FIGN: variants seen among roughly 807,000 people sequenced by gnomAD.
FIGN encodes fidgetin.
FIGN carries 11 observed loss-of-function variants against 51.3 expected under a neutral mutation model. That is an observed-to-expected ratio of 0.21 (90% CI 0.13 to 0.35). The LOEUF (loss-of-function observed/expected upper bound fraction) is 0.35. Ranked by LOEUF, FIGN falls within the 10% of genes least tolerant of loss-of-function variation. The pLI is 1.00. For missense variants in FIGN, 857 were observed against 943.6 expected (o/e 0.91, Z 1.20); for synonymous variants, 407 against 363.2 (o/e 1.12, Z -1.37).
chr2:163,655,876 A>C (rs964632325), intron 2 of FIGN, among the ~76,000 whole-genome samples: 2 of 152,020 alleles, frequency 1.3e-5, no homozygotes, highest in Admixed American at 6.6e-5. Context: ...CCATGCAGAA[A>C]AGACATTTCA....
At chr2:163,723,660 T>C (rs1022153820) in intron 2 of FIGN, among the ~76,000 whole-genome samples, 6 of 152,168 alleles carry the variant, frequency 3.9e-5, no homozygotes, top group African/African-American at 1.4e-4. Flanking sequence ...GAAAAAAGTA[T>C]TGCTTTCAGT....
In FIGN at chr2:163,610,346, C is replaced by T; in HGVS notation, c.1486G>A (p.Ala496Thr). The T allele has an allele frequency of 1.2e-6, 2 of 1,614,158 alleles. No individual in the cohort carries two copies. The highest frequency in any genetic ancestry group is 1.7e-6 in the Non-Finnish European group (2 of 1,180,032). The change falls in exon 3 of 3, where the codon GCT becomes ACT. Residue 496 changes from alanine (A) to threonine (T), a missense_variant. Around this residue, in one of 3 missense-constraint regions of FIGN, gnomAD observed 799 missense variants for 849.5 expected, o/e 0.94. Transcript: ENST00000333129. ...NDIAGLDLVK[A>T]VIKEEVLWPV... Reference sequence around the variant, plus strand: ...CATAAAACCTCCTCTTTAATGACAGCCTTCACCAGGTCGAGACCAGCAATG... The same window carrying T: ...CATAAAACCTCCTCTTTAATGACAGTCTTCACCAGGTCGAGACCAGCAATG...
At chr2:163,711,825 G>A (rs1034661214) in intron 2 of FIGN, among the ~76,000 whole-genome samples, 1 of 152,164 alleles carries the variant, frequency 6.6e-6, no homozygotes, top group Non-Finnish European at 1.5e-5. Flanking sequence ...AATGAGGTTA[G>A]AGGAAATGCA....
At chr2:163,707,365 A>C (rs991333985) in intron 2 of FIGN, among the ~76,000 whole-genome samples, 4 of 151,126 alleles carry the variant, frequency 2.6e-5, no homozygotes, top group African/African-American at 9.7e-5. Flanking sequence ...AAAAAAAAAA[A>C]CAAAAAAAGA....
intron 2 of FIGN, among the ~76,000 whole-genome samples, chr2:163,715,567 C>A (rs556830289): frequency 6.6e-6 from 1 of 152,216 alleles, no homozygotes; most frequent in South Asian, 2.1e-4. Flanking sequence ...TTGACAGGTA[C>A]ATGCAAAAGT....
intron 2 of FIGN, among the ~76,000 whole-genome samples, chr2:163,720,342 C>A (rs945739643): frequency 1.3e-5 from 2 of 152,118 alleles, no homozygotes; most frequent in African/African-American, 2.4e-5. Flanking sequence ...AAAGACAAGG[C>A]TAAAAGAAGG....
At chr2:163,728,721 A>C (rs1300612170) in intron 2 of FIGN, among the ~76,000 whole-genome samples, 3 of 152,176 alleles carry the variant, frequency 2.0e-5, no homozygotes, top group Non-Finnish European at 4.4e-5. Flanking sequence ...TAGGTGGTGA[A>C]GGCAGGGCTG....
In FIGN at chr2:163,611,415, G is replaced by C. The variant is rs375449325; in HGVS notation, c.417C>G (p.Leu139=). The change falls in exon 3 of 3, where the codon CTC becomes CTG. Residue 139 remains leucine, a synonymous_variant. Coordinates refer to ENST00000333129, the MANE Select transcript of FIGN (RefSeq NM_018086.4). ...TACTCGCAGAGACATCTGCTGGAGG[G>C]AGGGCTGAACTGACTCCAGCTTTGC... ...TASKAGVSSA[L]PPADVSASIG... 6.2e-7 allele frequency: 1 copy of C among 1,614,138 alleles called. No individual in the cohort carries two copies. The highest frequency in any genetic ancestry group is 8.5e-7 in the Non-Finnish European group (1 of 1,180,010).
rs76227679 is a variant in FIGN, at chr2:163,700,059, G to A, written c.25+34844C>T. Among the ~76,000 whole-genome samples, 1,348 of 152,170 alleles carry A rather than the reference G, an allele frequency of 8.9e-3. 24 individuals are homozygous for A. The highest frequency in any genetic ancestry group is 0.031 in the African/African-American group (1,288 of 41,520). On this transcript the variant is annotated intron_variant, in intron 2 of 2. Coordinates refer to ENST00000333129, the MANE Select transcript of FIGN (RefSeq NM_018086.4). ...GAAAGGAAAGAAGGAGGAGGAGAAG[G>A]AAGGAGAAGAAGAAGAACCCCTCCT... is the stretch of plus-strand genomic sequence containing the variant.
chr2:163,642,132 A>G (rs1013200234), intron 2 of FIGN, among the ~76,000 whole-genome samples: 9 of 152,220 alleles, frequency 5.9e-5, no homozygotes, highest in Non-Finnish European at 1.0e-4. Context: ...TCACTTGGGA[A>G]TGGCTGAGTC....
intron 2 of FIGN, among the ~76,000 whole-genome samples, chr2:163,690,030 CTTTTCTTCCAGT>C (rs1399348469): frequency 1.3e-5 from 2 of 152,148 alleles, no homozygotes; most frequent in African/African-American, 4.8e-5. Flanking sequence ...AATATGTGCA[CTTTTCTTCCAGT>C]TATGTCAGTC....
intron 2 of FIGN, chr2:163,617,193 C>G: frequency 1.0e-6 from 1 of 984,954 alleles, no homozygotes; most frequent in Non-Finnish European, 1.2e-6. Flanking sequence ...CTACAAGTAA[C>G]AGAAAGGGAA....
chr2:163,610,892 T>C lies in FIGN; in HGVS notation c.940A>G (p.Ser314Gly). Residue 314 changes from serine to glycine, a missense_variant, in exon 3 of 3, where the codon AGT becomes GGT. By Grantham distance (56) the Ser-to-Gly change is moderately conservative. This residue lies in a region of FIGN where 799 missense variants were observed against 849.5 expected (regional missense o/e 0.94). Transcript: ENST00000333129. The stretch of plus-strand genomic sequence containing the variant: ...TAGAAAGCTTTCCTTTTGAGAGAAC[T>C]TGCTGAACTGTTTGTCAGAGCCGAC... Reference protein sequence around the residue: ...APSALTNSSASSLKRKAFYMA... With the variant: ...APSALTNSSAGSLKRKAFYMA... The C allele has an allele frequency of 6.2e-7, 1 of 1,613,872 alleles. No homozygotes were observed. The highest frequency in any genetic ancestry group is 8.5e-7 in the Non-Finnish European group (1 of 1,179,964).
chr2:163,628,796 G>C (rs1683097187), intron 2 of FIGN, among the ~76,000 whole-genome samples: 2 of 152,164 alleles, frequency 1.3e-5, no homozygotes, highest in South Asian at 4.1e-4. Context: ...GGCTAACAAA[G>C]AGATTGTGGT....
At chr2:163,629,596 C>A (rs979246784) in intron 2 of FIGN, among the ~76,000 whole-genome samples, 3 of 151,968 alleles carry the variant, frequency 2.0e-5, no homozygotes, top group African/African-American at 7.3e-5. Flanking sequence ...ATCTAGCAGG[C>A]CAAATCCAGT....
intron 2 of FIGN, among the ~76,000 whole-genome samples, chr2:163,643,475 A>G (rs187040205): frequency 2.8e-4 from 43 of 151,790 alleles, no homozygotes; most frequent in African/African-American, 1.0e-3. Flanking sequence ...ACATGGTGAA[A>G]CCCCATCTCT....
In FIGN at chr2:163,660,829, G is replaced by A. The variant is rs373189131; in HGVS notation, c.26-49023C>T. On this transcript the variant is annotated intron_variant, in intron 2 of 2. Transcript: ENST00000333129. The stretch of plus-strand genomic sequence containing the variant: ...CATATATATACATATACATATATAT[G>A]TATACATATATACATATATATATGT... Among the ~76,000 whole-genome samples, 47 of 21,350 alleles carry A rather than the reference G, an allele frequency of 2.2e-3. 14 individuals are homozygous for A. Among genetic ancestry groups the A allele is most frequent in the Non-Finnish European group, 3.0e-3 (33 of 11,002 alleles). 14.0% of individuals were successfully genotyped at this position (21,350 alleles called of 152,430 possible).
At chr2:163,643,194 T>C (rs961376429) in intron 2 of FIGN, among the ~76,000 whole-genome samples, 1 of 152,176 alleles carries the variant, frequency 6.6e-6, no homozygotes, top group Non-Finnish European at 1.5e-5. Flanking sequence ...TATAGATCAA[T>C]GGAATAGAAC....
Position 163,611,633 on chromosome 2 carries a change from G to A in FIGN, c.199C>T (p.Leu67=), listed in dbSNP as rs372386144. The A allele has an allele frequency of 9.9e-6, 16 of 1,614,164 alleles. No homozygotes were observed. The highest frequency in any genetic ancestry group is 1.3e-5 in the African/African-American group (1 of 75,046). The part of the protein sequence containing the change: ...DDISALTASN[L]LKKYAEKYSG... Reference sequence around the variant, plus strand: ...TACTTCTCTGCATATTTTTTTAGTAGGTTGGATGCAGTCAGAGCAGATATG... The same window carrying A: ...TACTTCTCTGCATATTTTTTTAGTAAGTTGGATGCAGTCAGAGCAGATATG... Residue 67 remains leucine, a synonymous_variant, in exon 3 of 3, where the codon CTA becomes TTA. Transcript: ENST00000333129.
Sources: allele counts gnomAD v4.1 joint callset (sites outside exome capture counted in the v4.1 genomes callset), GRCh38; gene constraint gnomAD v4.1.1; regional missense constraint gnomAD v4.1.1; transcripts MANE v1.5; gene names NCBI Gene and HGNC (gene_info 2026-07-23, HGNC 2026-07-21).